Variants in CMTR1 observed in about 807,000 individuals in gnomAD.
The protein encoded by CMTR1 is cap-specific mRNA (nucleoside-2'-O-)-methyltransferase 1.
A neutral mutation model predicts 107.0 loss-of-function variants in CMTR1; 39 were observed. That is an observed-to-expected ratio of 0.36 (90% CI 0.28 to 0.48). CMTR1 has a LOEUF of 0.48. Ranked by LOEUF, CMTR1 falls within the 20% of genes least tolerant of loss-of-function variation. The pLI is 0.99. For missense variants in CMTR1, 672 were observed against 1,064.9 expected, an observed-to-expected ratio of 0.63 and a Z score of 5.14; for synonymous variants, 366 against 379.5, an observed-to-expected ratio of 0.96 and a Z score of 0.41.
rs141197256 is a variant in CMTR1 at position 37,436,864 on chromosome 6, G to T, written c.133+1102G>T. 1.4e-4 allele frequency among the ~76,000 whole-genome samples: 21 copies of T among 152,260 alleles called. No homozygotes were observed. In the East Asian group the frequency reaches 3.5e-3, roughly 25 times the overall value. On this transcript the variant is annotated intron_variant, in intron 2 of 23. Transcript: ENST00000373451. ...TATTGGATCCTCTGTTGGATCACTGGGAAACTGGAATGAAATTTCATAACA... is the reference window on the plus strand; with the variant it reads ...TATTGGATCCTCTGTTGGATCACTGTGAAACTGGAATGAAATTTCATAACA...
chr6:37,425,623 C>G, the CMTR1 span, among the ~76,000 whole-genome samples: 1 of 152,250 alleles, frequency 6.6e-6, no homozygotes, highest in East Asian at 1.9e-4. Context: ...CCACTGCTTT[C>G]TGGCCTCCAG....
intron 3 of CMTR1, among the ~76,000 whole-genome samples, chr6:37,445,493 T>C (rs967239898): frequency 7.1e-6 from 1 of 141,530 alleles, no homozygotes; most frequent in East Asian, 2.0e-4. Flanking sequence ...CCTTTTTTTT[T>C]TTTTTTTTTT....
At chr6:37,471,219 G>A in intron 14 of CMTR1, 142 bp downstream of exon 14, 1 of 695,574 alleles carries the variant, frequency 1.4e-6, no homozygotes, top group East Asian at 2.8e-5. Flanking sequence ...GGTCTCTGAA[G>A]GATGCCAGAG....
chr6:37,479,455 G>A (rs913375692), intron 23 of CMTR1, among the ~76,000 whole-genome samples, 200 bp downstream of exon 23: 1 of 152,236 alleles, frequency 6.6e-6, no homozygotes, highest in African/African-American at 2.4e-5. Context: ...GCTGGTGAGG[G>A]AAGCACGATG....
intron 19 of CMTR1, 43 bp from the exon 20 acceptor site, chr6:37,476,083 G>A (rs764012309): frequency 1.5e-5 from 24 of 1,599,740 alleles, no homozygotes; most frequent in East Asian, 2.2e-5. Flanking sequence ...TGCTGGTGGA[G>A]GCATCCTTGG....
At chr6:37,431,012 C>CAAAAAAA (rs34543353), upstream of CMTR1, among the ~76,000 whole-genome samples, 1 of 50,366 alleles carries the variant, frequency 2.0e-5, no homozygotes, top group Non-Finnish European at 4.2e-5. Flanking sequence ...GACTCCGTCT[C>CAAAAAAA]AAAAAAAAAA....
upstream of CMTR1, among the ~76,000 whole-genome samples, chr6:37,432,550 A>G (rs1771407363): frequency 6.6e-6 from 1 of 152,178 alleles, no homozygotes; most frequent in Admixed American, 6.5e-5. Context: ...TGTATGAGAA[A>G]CTTTGGGGTA....
chr6:37,461,873 G>A, intron 11 of CMTR1, 97 bp from the exon 12 acceptor site: 1 of 1,383,326 alleles, frequency 7.2e-7, no homozygotes, highest in African/African-American at 1.4e-5. Context: ...CCCAGGTGCT[G>A]GTTTCCTTGA....
Position 37,462,948 on chromosome 6 carries a change from C to G in CMTR1, c.1445C>G (p.Pro482Arg), listed in dbSNP as rs1441033441. 1.2e-6 allele frequency: 2 copies of G among 1,614,026 alleles called. No homozygotes were observed. The highest frequency in any genetic ancestry group is 1.7e-5 in the Admixed American group (1 of 59,992). The change falls in exon 13 of 24, where the codon CCC (proline) becomes CGC (arginine). Residue 482 changes from proline (P) to arginine (R), a missense_variant. Physicochemically the swap from Pro to Arg is moderately radical, Grantham distance 103. This residue lies in a region of CMTR1 where 583 missense variants were observed against 968.4 expected (regional missense o/e 0.60). Coordinates refer to ENST00000373451, the MANE Select transcript of CMTR1 (RefSeq NM_015050.3). ...GATTCCGACGTCAACTTGGTGGTCCCCCTGGAGGTGATCAAGGGAGACCAT... is the reference window on the plus strand; with the variant it reads ...GATTCCGACGTCAACTTGGTGGTCCGCCTGGAGGTGATCAAGGGAGACCAT... Reference protein sequence around the residue: ...NTDSDVNLVVPLEVIKGDHEF... With the variant: ...NTDSDVNLVVRLEVIKGDHEF...
At chr6:37,430,796 C>T (rs920519571), upstream of CMTR1, among the ~76,000 whole-genome samples, 3 of 152,104 alleles carry the variant, frequency 2.0e-5, no homozygotes, top group East Asian at 1.9e-4. Flanking sequence ...GGGCGGATCA[C>T]GAGGTCAGGA....
chr6:37,453,425 G>A (rs1761226414), intron 8 of CMTR1, 113 bp downstream of exon 8: 1 of 1,031,620 alleles, frequency 9.7e-7, no homozygotes, highest in Middle Eastern at 2.1e-4. Flanking sequence ...GTGTGATGGA[G>A]ATACTTTGCT....
At chr6:37,475,952 G>A (rs943365155) in intron 19 of CMTR1, 174 bp from the exon 20 acceptor site, 2 of 622,224 alleles carry the variant, frequency 3.2e-6, no homozygotes, top group Non-Finnish European at 5.8e-6. Context: ...GAATAAAGAC[G>A]TCGGTGGAGA....
the CMTR1 span, among the ~76,000 whole-genome samples, chr6:37,424,497 T>A: frequency 6.6e-6 from 1 of 152,138 alleles, no homozygotes; most frequent in South Asian, 2.1e-4. Flanking sequence ...TCCGCCCACC[T>A]CGGCCTCCCA....
In CMTR1 at chr6:37,468,053, G is replaced by GT. The variant is rs369566109; in HGVS notation, c.1506-2967dup. ...TCTCTTCCTTTCTTCCCTCTGTTTT[G>GT]TGGGGGGGGGGACTAATTCAGTATT... On this transcript the variant is annotated intron_variant, in intron 13 of 23. Coordinates refer to ENST00000373451, the MANE Select transcript of CMTR1 (RefSeq NM_015050.3). 8.4e-3 allele frequency among the ~76,000 whole-genome samples: 1,113 copies of GT among 132,574 alleles called. 6 individuals are homozygous for GT. Among genetic ancestry groups the GT allele is most frequent in the South Asian group, 0.014 (46 of 3,242 alleles). 87.0% of individuals were successfully genotyped at this position (132,574 alleles called of 152,430 possible). A position where few individuals can be genotyped will look rare whatever the true frequency, so the allele number is the denominator to read the frequency against.
At chr6:37,432,330 A>G (rs997412511), upstream of CMTR1, among the ~76,000 whole-genome samples, 1 of 152,200 alleles carries the variant, frequency 6.6e-6, no homozygotes, top group Non-Finnish European at 1.5e-5. Flanking sequence ...TCAATTTTAA[A>G]TTCCCTTCTT....
chr6:37,424,388 G>A, the CMTR1 span, among the ~76,000 whole-genome samples: 4 of 151,320 alleles, frequency 2.6e-5, no homozygotes, highest in East Asian at 7.8e-4. Context: ...GACTACAGGC[G>A]CCCGCCACCT....
At position 37,476,983 on chromosome 6, in the gene CMTR1, CA is replaced by C. The variant is rs752447098; in HGVS notation, c.2106-608del. Among the ~76,000 whole-genome samples, 169 of 152,286 alleles carry C rather than the reference CA, an allele frequency of 1.1e-3. 2 individuals carry two copies. Among genetic ancestry groups the C allele is most frequent in the Non-Finnish European group, 2.0e-3 (134 of 68,026 alleles). ...CTGCTAGGTCCTGAAAGACAGCTCCCAGGGGGAACCCTGCCTTCATTGCTTG... is the reference window on the plus strand; with the variant it reads ...CTGCTAGGTCCTGAAAGACAGCTCCCGGGGGAACCCTGCCTTCATTGCTTG... On this transcript the variant is annotated intron_variant, in intron 20 of 23. Transcript: ENST00000373451.
chr6:37,479,382 C>T, intron 23 of CMTR1, 127 bp downstream of exon 23: 1 of 709,580 alleles, frequency 1.4e-6, no homozygotes, highest in South Asian at 1.6e-5. Flanking sequence ...TTCCCCTGAG[C>T]ACAGGCCTGA....
chr6:37,477,949 A>G (rs1294282696), intron 21 of CMTR1, among the ~76,000 whole-genome samples: 1 of 152,230 alleles, frequency 6.6e-6, no homozygotes, highest in Non-Finnish European at 1.5e-5. Flanking sequence ...TTGAAATACC[A>G]TAAATCCCAG....
Sources: gnomAD v4.1 joint callset for allele counts (sites outside exome capture counted in the v4.1 genomes callset) on GRCh38, gnomAD v4.1.1 for gene constraint, gnomAD v4.1.1 regional missense constraint, MANE v1.5 for transcripts, NCBI Gene and HGNC (gene_info 2026-07-23, HGNC 2026-07-21) for gene names.